The following GRID2 variants were observed in gnomAD, a reference collection of about 807,000 sequenced individuals.
GRID2 encodes glutamate receptor ionotropic, delta-2.
Under a neutral mutation model 114.8 loss-of-function variants are expected in GRID2, and 33 were observed. The ratio of observed to expected loss-of-function variants is 0.29; its 90% CI spans 0.22 to 0.38. The LOEUF is 0.38. Among genes scored for constraint, GRID2 ranks in the 10% least tolerant of loss-of-function variants. GRID2 has a pLI of 1.00. For synonymous variants in GRID2, 505 were observed against 449.9 expected (o/e 1.12, Z -1.55); for missense variants, 1,184 against 1,257.7 (o/e 0.94, Z 0.89).
chr4:92,657,569 A>C (rs1732306461), intron 2 of GRID2, among the ~76,000 whole-genome samples: 1 of 151,738 alleles, frequency 6.6e-6, no homozygotes, highest in Non-Finnish European at 1.5e-5. Context: ...TTTTAAAAGT[A>C]AAACATTTAG....
At chr4:93,790,821 T>A (rs1734680136) in intron 1 of GRID2, among the ~76,000 whole-genome samples, 1 of 152,204 alleles carries the variant, frequency 6.6e-6, no homozygotes, top group Non-Finnish European at 1.5e-5. Flanking sequence ...ATTTGTCAGC[T>A]GTGCTACCCT....
chr4:92,315,216 TGTAA>T (rs944822782), intron 1 of GRID2, among the ~76,000 whole-genome samples: 2 of 152,208 alleles, frequency 1.3e-5, no homozygotes, highest in Non-Finnish European at 2.9e-5. Context: ...TCTTTGTTGT[TGTAA>T]GTGTTATGTC....
intron 2 of GRID2, among the ~76,000 whole-genome samples, chr4:92,718,435 T>G (rs1330703154): frequency 6.6e-6 from 1 of 152,038 alleles, no homozygotes; most frequent in Non-Finnish European, 1.5e-5. Context: ...ATAGTTTATT[T>G]ATAGATGCAC....
chr4:93,357,809 T>C (rs902170797), intron 8 of GRID2, among the ~76,000 whole-genome samples: 1 of 151,750 alleles, frequency 6.6e-6, no homozygotes, highest in African/African-American at 2.4e-5. Context: ...AAGTCACTAA[T>C]TGAGTAATCC....
intron 14 of GRID2, among the ~76,000 whole-genome samples, chr4:93,740,408 T>G (rs1310390553): frequency 1.3e-5 from 2 of 152,222 alleles, no homozygotes; most frequent in Non-Finnish European, 2.9e-5. Flanking sequence ...GGGTAGTTTT[T>G]GGGAACTGAC....
chr4:93,634,558 C>T (rs1181255864), intron 14 of GRID2, among the ~76,000 whole-genome samples: 1 of 152,032 alleles, frequency 6.6e-6, no homozygotes, highest in African/African-American at 2.4e-5. Context: ...AAATATCTTG[C>T]CAAATTCACA....
chr4:93,316,810 A>G (rs555261216), intron 8 of GRID2, among the ~76,000 whole-genome samples: 7 of 152,148 alleles, frequency 4.6e-5, no homozygotes, highest in Non-Finnish European at 8.8e-5. Flanking sequence ...TATCCTGATG[A>G]CAGGTGGCAC....
chr4:93,413,051 A>G (rs186423436), intron 9 of GRID2, among the ~76,000 whole-genome samples: 2 of 152,294 alleles, frequency 1.3e-5, no homozygotes, highest in East Asian at 3.9e-4. Context: ...GTGCTGCAGT[A>G]AACATCTGTG....
intron 2 of GRID2, among the ~76,000 whole-genome samples, chr4:93,057,428 TTTG>T (rs560484953): frequency 8.8e-4 from 134 of 151,986 alleles, no homozygotes; most frequent in Non-Finnish European, 1.6e-3. Context: ...CTTTGAATTT[TTTG>T]TTGTTGTTGT....
At chr4:92,870,302 T>C (rs1031338868) in intron 2 of GRID2, among the ~76,000 whole-genome samples, 3 of 151,856 alleles carry the variant, frequency 2.0e-5, no homozygotes, top group African/African-American at 7.3e-5. Context: ...ACTTTCTCTC[T>C]CTCTCTCATT....
intron 2 of GRID2, among the ~76,000 whole-genome samples, chr4:92,860,096 T>A (rs1484882120): frequency 6.6e-6 from 1 of 152,062 alleles, no homozygotes; most frequent in African/African-American, 2.4e-5. Flanking sequence ...ACCAAAGAAT[T>A]GTCTTTTTTT....
chr4:92,865,408 A>G (rs557114556), intron 2 of GRID2, among the ~76,000 whole-genome samples: 21 of 152,344 alleles, frequency 1.4e-4, no homozygotes, highest in African/African-American at 4.8e-4. Context: ...ATAGTTGGAC[A>G]AAAGGAAATA....
chr4:92,399,525 A>G (rs1049701181), intron 1 of GRID2, among the ~76,000 whole-genome samples: 1 of 152,150 alleles, frequency 6.6e-6, no homozygotes. Flanking sequence ...TCGCTGACAA[A>G]TATTATTTTT....
chr4:92,848,022 C>T (rs1156876692), intron 2 of GRID2, among the ~76,000 whole-genome samples: 2 of 151,980 alleles, frequency 1.3e-5, no homozygotes, highest in African/African-American at 2.4e-5. Flanking sequence ...AATCCCATCA[C>T]TTTACACTTA....
At chr4:92,977,367 A>T (rs1374020162) in intron 2 of GRID2, among the ~76,000 whole-genome samples, 1 of 152,206 alleles carries the variant, frequency 6.6e-6, no homozygotes, top group Non-Finnish European at 1.5e-5. Flanking sequence ...AACAGGAAAT[A>T]CAAGGGTTCA....
chr4:93,692,493 G>A (rs761125638), intron 14 of GRID2, among the ~76,000 whole-genome samples: 1 of 152,030 alleles, frequency 6.6e-6, no homozygotes, highest in Non-Finnish European at 1.5e-5. Context: ...GTTATTATTT[G>A]CAGTTCTTAG....
At chr4:92,647,876 G>A (rs1220336869) in intron 2 of GRID2, among the ~76,000 whole-genome samples, 2 of 149,676 alleles carry the variant, frequency 1.3e-5, no homozygotes, top group Non-Finnish European at 3.0e-5. Flanking sequence ...ATAGAAATTA[G>A]TTGAATTAGA....
At chr4:93,075,164 A>G (rs920857885) in intron 2 of GRID2, among the ~76,000 whole-genome samples, 18 of 152,170 alleles carry the variant, frequency 1.2e-4, no homozygotes, top group African/African-American at 4.1e-4. Flanking sequence ...AAATCAATCA[A>G]TGCAATTGCC....
chr4:93,690,364 T>C (rs1025861622), intron 14 of GRID2, among the ~76,000 whole-genome samples: 1 of 152,156 alleles, frequency 6.6e-6, no homozygotes, highest in Non-Finnish European at 1.5e-5. Context: ...TACTTCTGTG[T>C]TATTTAAGGA....
Sources: gnomAD v4.1 joint callset for allele counts (sites outside exome capture counted in the v4.1 genomes callset) on GRCh38, gnomAD v4.1.1 for gene constraint, MANE v1.5 for transcripts, NCBI Gene and HGNC (gene_info 2026-07-23, HGNC 2026-07-21) for gene names.